The following TMC1 variants were observed in gnomAD, a reference collection of about 807,000 sequenced individuals.
TMC1 encodes transmembrane channel-like protein 1.
TMC1 carries 84 observed loss-of-function variants against 105.8 expected under a neutral mutation model. The ratio of observed to expected loss-of-function variants is 0.79; its 90% confidence interval spans 0.67 to 0.95. TMC1 has a LOEUF of 0.95. Among genes scored for constraint, TMC1 ranks in the 40% least tolerant of loss-of-function variants. TMC1 has a pLI of 0.00. For missense variants in TMC1, 817 were observed against 914.1 expected, an observed-to-expected ratio of 0.89 and a Z score of 1.37; for synonymous variants, 315 against 311.5, an observed-to-expected ratio of 1.01 and a Z score of -0.12.
At chr9:72,671,774 A>T (rs1826129523) in intron 5 of TMC1, among the ~76,000 whole-genome samples, 1 of 152,186 alleles carries the variant, frequency 6.6e-6, no homozygotes, top group Non-Finnish European at 1.5e-5. Flanking sequence ...ACAGTTTTTT[A>T]AAAAGAAAAA....
chr9:72,691,891 G>A (rs1320673910), intron 6 of TMC1, among the ~76,000 whole-genome samples: 1 of 152,150 alleles, frequency 6.6e-6, no homozygotes, highest in African/African-American at 2.4e-5. Flanking sequence ...TGGTGAATGA[G>A]TACAAACTAA....
rs570562154 is a variant in TMC1, at chr9:72,818,322, A to C, written c.1763+2112A>C. On this transcript the variant is annotated intron_variant, in intron 19 of 23. Transcript: ENST00000297784. Reference sequence around the variant, plus strand: ...AGATGTTGTTAACATCAACATTTATAGATAAAATCCATTTTGCTATGATTT... The same window carrying C: ...AGATGTTGTTAACATCAACATTTATCGATAAAATCCATTTTGCTATGATTT... Among the ~76,000 whole-genome samples the C allele has an allele frequency of 2.6e-5, 4 of 152,370 alleles. No individual in the cohort carries two copies. In the South Asian group the frequency reaches 6.2e-4, roughly 24 times the overall value.
At chr9:72,802,714 G>A (rs1453100694) in intron 17 of TMC1, among the ~76,000 whole-genome samples, 1 of 152,086 alleles carries the variant, frequency 6.6e-6, no homozygotes, top group East Asian at 1.9e-4. Flanking sequence ...ACAAACCACT[G>A]CTCAGTGAAA....
At chr9:72,563,171 G>C (rs1824087999) in intron 1 of TMC1, among the ~76,000 whole-genome samples, 1 of 152,162 alleles carries the variant, frequency 6.6e-6, no homozygotes, top group South Asian at 2.1e-4. Flanking sequence ...GCCAAAGTTT[G>C]AGTTGTGTGG....
At chr9:72,758,237 C>A (rs1468506041) in intron 12 of TMC1, among the ~76,000 whole-genome samples, 1 of 152,128 alleles carries the variant, frequency 6.6e-6, no homozygotes, top group Non-Finnish European at 1.5e-5. Context: ...TTTGCTTTTA[C>A]ATTTTTGTAA....
intron 1 of TMC1, among the ~76,000 whole-genome samples, chr9:72,532,541 CAAAAAAAAAAAAAAAAAAAAAAAAAAAAA>C (rs59010604): frequency 4.5e-4 from 34 of 75,522 alleles, no homozygotes; most frequent in East Asian, 3.5e-3. Flanking sequence ...GACTCCGTCT[CAAAAAAAAAAAAAAAAAAAAAAAAAAAAA>C]AAAAAAAAAA....
At chr9:72,703,372 C>G (rs1826678622) in intron 8 of TMC1, among the ~76,000 whole-genome samples, 1 of 152,188 alleles carries the variant, frequency 6.6e-6, no homozygotes. Context: ...AGCCATCTTC[C>G]TACCTCAGCC....
intron 2 of TMC1, among the ~76,000 whole-genome samples, chr9:72,598,378 T>G (rs1323015073): frequency 6.6e-6 from 1 of 152,154 alleles, no homozygotes; most frequent in Non-Finnish European, 1.5e-5. Context: ...AATGATATCC[T>G]TCTCCTGTTC....
chr9:72,808,555 A>G (rs1828641237), intron 18 of TMC1, among the ~76,000 whole-genome samples: 1 of 152,238 alleles, frequency 6.6e-6, no homozygotes, highest in African/African-American at 2.4e-5. Flanking sequence ...CTCTATGAAA[A>G]TAGAGGCCCT....
intron 1 of TMC1, among the ~76,000 whole-genome samples, chr9:72,566,874 G>A (rs185115756): frequency 1.2e-4 from 18 of 152,266 alleles, no homozygotes; most frequent in South Asian, 2.1e-4. Flanking sequence ...AGCACCAGGT[G>A]CCCAGTTGTT....
intron 4 of TMC1, among the ~76,000 whole-genome samples, chr9:72,641,887 G>A (rs1287624415): frequency 3.6e-5 from 5 of 140,568 alleles, no homozygotes; most frequent in African/African-American, 1.3e-4. Flanking sequence ...GTGCGATCTC[G>A]GCTCACTGCA....
intron 11 of TMC1, among the ~76,000 whole-genome samples, chr9:72,752,937 G>A (rs902915939): frequency 4.6e-5 from 7 of 152,022 alleles, no homozygotes; most frequent in Non-Finnish European, 8.8e-5. Context: ...CTTACTGTGC[G>A]TCACAACAAA....
chr9:72,664,940 C>T (rs1214395275), intron 5 of TMC1, among the ~76,000 whole-genome samples: 2 of 152,102 alleles, frequency 1.3e-5, no homozygotes, highest in Non-Finnish European at 2.9e-5. Flanking sequence ...CCCCTAGATG[C>T]CACCGTGGGA....
intron 8 of TMC1, among the ~76,000 whole-genome samples, chr9:72,708,573 A>G (rs1564505193): frequency 6.6e-6 from 1 of 151,564 alleles, no homozygotes; most frequent in Non-Finnish European, 1.5e-5. Flanking sequence ...CAGCTTGGTC[A>G]CTGTTGGTAA....
At chr9:72,666,441 C>T (rs1163101591) in intron 5 of TMC1, among the ~76,000 whole-genome samples, 1 of 152,190 alleles carries the variant, frequency 6.6e-6, no homozygotes, top group Non-Finnish European at 1.5e-5. Flanking sequence ...TTCTTTGTGA[C>T]TTTGCTAATG....
At chr9:72,755,051 A>AGAGGGAGG (rs1182759531) in intron 12 of TMC1, among the ~76,000 whole-genome samples, 167 bp downstream of exon 12, 1 of 130,164 alleles carries the variant, frequency 7.7e-6, no homozygotes, top group Non-Finnish European at 1.6e-5. Context: ...AGAGAGAGAG[A>AGAGGGAGG]GAGGGAGGGA....
At chr9:72,667,650 T>G (rs1179676158) in intron 5 of TMC1, among the ~76,000 whole-genome samples, 1 of 152,242 alleles carries the variant, frequency 6.6e-6, no homozygotes, top group Non-Finnish European at 1.5e-5. Context: ...CAGTTGGGTT[T>G]CTCTGAGAAC....
intron 17 of TMC1, among the ~76,000 whole-genome samples, chr9:72,800,756 G>A (rs1042363463): frequency 2.8e-5 from 4 of 143,342 alleles, no homozygotes. Context: ...CTCCAAGGAA[G>A]CATTAAGCTC....
intron 18 of TMC1, among the ~76,000 whole-genome samples, chr9:72,806,938 G>A (rs1433002567): frequency 6.6e-6 from 1 of 152,208 alleles, no homozygotes; most frequent in Non-Finnish European, 1.5e-5. Context: ...GTTGTAGCGA[G>A]CCGAGATCAC....
Sources: allele counts gnomAD v4.1 joint callset (sites outside exome capture counted in the v4.1 genomes callset), GRCh38; gene constraint gnomAD v4.1.1; transcripts MANE v1.5; gene names NCBI Gene and HGNC (gene_info 2026-07-23, HGNC 2026-07-21).